The following NSMCE1 variants were observed in gnomAD, a reference collection of about 807,000 sequenced individuals.
NSMCE1 encodes the protein non-structural maintenance of chromosomes element 1 homolog.
In NSMCE1, 18 loss-of-function variants were observed where a neutral mutation model predicts 29.6. The observed-to-expected ratio is 0.61, with a 90% CI of 0.42 to 0.90. The LOEUF (loss-of-function observed/expected upper bound fraction) is 0.90. Among genes scored for constraint, NSMCE1 ranks in the 40% least tolerant of loss-of-function variants. The pLI, the probability that NSMCE1 is intolerant of heterozygous loss-of-function variation, is 0.00. For synonymous variants in NSMCE1, 124 were observed against 133.4 expected (o/e 0.93, Z 0.49); for missense variants, 314 against 343.6 (o/e 0.91, Z 0.68).
Position 27,235,243 on chromosome 16 carries a change from C to T in NSMCE1, c.193G>A (p.Glu65Lys). ...DFINNINSVLESLYIEIKRGV... is the reference protein window; with the variant it reads ...DFINNINSVLKSLYIEIKRGV... ...CTCTTTATCTCAATATACAAGGACT[C>T]CAAGACACTGTTAATGTTGTTGATG... The change falls in exon 3 of 8, where the codon GAG becomes AAG. Residue 65 changes from glutamate to lysine, a missense_variant. Coordinates refer to ENST00000361439, the MANE Select transcript of NSMCE1 (RefSeq NM_145080.4). The T allele has an allele frequency of 5.0e-6, 8 of 1,613,488 alleles. No homozygotes were observed. Among genetic ancestry groups the T allele is most frequent in the Admixed American group, 1.7e-5 (1 of 60,002 alleles).
At chr16:27,230,791 C>T (rs1052429074) in intron 5 of NSMCE1, 2 of 152,426 alleles carry the variant, frequency 1.3e-5, no homozygotes, top group African/African-American at 4.8e-5. Context: ...ATCCTCTGTC[C>T]ACCCTCCCTC....
At chr16:27,252,632 A>C (rs1378683486) in intron 2 of NSMCE1, among the ~76,000 whole-genome samples, 1 of 152,044 alleles carries the variant, frequency 6.6e-6, no homozygotes, top group Non-Finnish European at 1.5e-5. Flanking sequence ...AATAATTTAA[A>C]ACTTAGCCGG....
intron 2 of NSMCE1, among the ~76,000 whole-genome samples, chr16:27,246,650 C>T (rs1486857919): frequency 6.6e-6 from 1 of 152,050 alleles, no homozygotes; most frequent in Non-Finnish European, 1.5e-5. Flanking sequence ...CCACCAGGCC[C>T]GACTAATTTT....
At chr16:27,247,432 C>T (rs1305497915) in intron 2 of NSMCE1, among the ~76,000 whole-genome samples, 1 of 152,168 alleles carries the variant, frequency 6.6e-6, no homozygotes, top group East Asian at 1.9e-4. Context: ...AATTAAACTT[C>T]TTCCCTTTAT....
chr16:27,260,882 G>A lies in NSMCE1; in HGVS notation c.-11-3301C>T, dbSNP rs1031215371. 6.8e-5 allele frequency among the ~76,000 whole-genome samples: 7 copies of A among 103,278 alleles called. No homozygotes were observed. The East Asian group carries it at 1.4e-3, about 21-fold the overall frequency. 67.8% of individuals were successfully genotyped at this position (103,278 alleles called of 152,430 possible). ...TCAAAAAAAAAAAAAAAAAGGTTGC[G>A]GGGGCTGGTCGTGGTGGCTCACACC... is the stretch of plus-strand genomic sequence containing the variant. On this transcript the variant is annotated intron_variant, in intron 1 of 7. Transcript: ENST00000361439.
At chr16:27,241,752 A>G (rs2083897350) in intron 2 of NSMCE1, 1 of 389,844 alleles carries the variant, frequency 2.6e-6, no homozygotes, top group Non-Finnish European at 5.3e-6. Flanking sequence ...CGTCCTCTCC[A>G]TCGGTGCACC....
chr16:27,266,582 A>C (rs1027173209), intron 1 of NSMCE1: 1 of 151,988 alleles, frequency 6.6e-6, no homozygotes, highest in Non-Finnish European at 1.5e-5. Context: ...GCGTCACTGC[A>C]CTCTAGCCTG....
At chr16:27,245,761 C>A (rs939133246) in intron 2 of NSMCE1, among the ~76,000 whole-genome samples, 7 of 152,156 alleles carry the variant, frequency 4.6e-5, no homozygotes, top group African/African-American at 1.7e-4. Flanking sequence ...CAGTTATGAT[C>A]CCAGACTTTA....
rs1434203484 is a variant in NSMCE1, at chr16:27,225,802, G to C, written c.645C>G (p.Cys215Trp). Residue 215 changes from cysteine to tryptophan, a missense_variant, in exon 7 of 8, where the codon TGC becomes TGG. Physicochemically the swap from Cys to Trp is radical, Grantham distance 215. Coordinates refer to ENST00000361439, the MANE Select transcript of NSMCE1 (RefSeq NM_145080.4). ...ETCGIRMHLP[C>W]VAKYFQSNAE... ...CATTCGACTGGAAGTACTTGGCCACGCAGGGTAAGTGCATCCTGATCCCAC... is the reference window on the plus strand; with the variant it reads ...CATTCGACTGGAAGTACTTGGCCACCCAGGGTAAGTGCATCCTGATCCCAC... The C allele has an allele frequency of 6.2e-7, 1 of 1,614,082 alleles. No individual in the cohort carries two copies.
intron 2 of NSMCE1, among the ~76,000 whole-genome samples, chr16:27,248,137 T>C (rs1199150706): frequency 1.3e-5 from 2 of 152,112 alleles, no homozygotes; most frequent in African/African-American, 4.8e-5. Flanking sequence ...TTTGGGGCCA[T>C]TACAAATAAA....
chr16:27,259,288 C>T (rs181095944), intron 1 of NSMCE1, among the ~76,000 whole-genome samples: 1 of 152,232 alleles, frequency 6.6e-6, no homozygotes, highest in East Asian at 1.9e-4. Flanking sequence ...AATCATACCA[C>T]ACACCTGAGC....
intron 5 of NSMCE1, among the ~76,000 whole-genome samples, chr16:27,230,427 G>A (rs939678591): frequency 6.6e-6 from 1 of 152,146 alleles, no homozygotes; most frequent in South Asian, 2.1e-4. Flanking sequence ...GTGAGCACCC[G>A]CCCCGGTTCT....
intron 7 of NSMCE1, 40 bp downstream of exon 7, chr16:27,225,686 T>A: frequency 6.2e-7 from 1 of 1,611,774 alleles, no homozygotes; most frequent in Non-Finnish European, 8.5e-7. Context: ...CACGTCCTGC[T>A]GGCCCAGCCC....
At chr16:27,262,046 C>A (rs2084163502) in intron 1 of NSMCE1, among the ~76,000 whole-genome samples, 1 of 152,126 alleles carries the variant, frequency 6.6e-6, no homozygotes, top group Non-Finnish European at 1.5e-5. Context: ...AGTTAAGAGG[C>A]TAGCCTGGCC....
intron 2 of NSMCE1, among the ~76,000 whole-genome samples, chr16:27,254,464 C>T (rs1356568210): frequency 6.6e-6 from 1 of 152,210 alleles, no homozygotes; most frequent in Non-Finnish European, 1.5e-5. Flanking sequence ...CATCATGTGG[C>T]TCCTTGCAGT....
At chr16:27,266,526 A>G (rs1233575618) in intron 1 of NSMCE1, 2 of 152,140 alleles carry the variant, frequency 1.3e-5, no homozygotes, top group Non-Finnish European at 2.9e-5. Flanking sequence ...CTAAGGCAGG[A>G]GAATCGCTTG....
intron 2 of NSMCE1, among the ~76,000 whole-genome samples, chr16:27,239,536 T>C (rs2140995796): frequency 6.6e-6 from 1 of 152,362 alleles, no homozygotes; most frequent in African/African-American, 2.4e-5. Context: ...TAGGAGTTAA[T>C]TAACAACACC....
At chr16:27,250,333 A>G (rs1001436401) in intron 2 of NSMCE1, among the ~76,000 whole-genome samples, 1 of 152,212 alleles carries the variant, frequency 6.6e-6, no homozygotes, top group African/African-American at 2.4e-5. Flanking sequence ...ATTAGGGAAA[A>G]GTATTCAGTC....
chr16:27,251,185 T>TATAA (rs1268890763), intron 2 of NSMCE1, among the ~76,000 whole-genome samples: 1 of 52,834 alleles, frequency 1.9e-5, no homozygotes, highest in Non-Finnish European at 3.1e-5. Flanking sequence ...TATATATATA[T>TATAA]ATATAAATAT....
Sources: allele counts gnomAD v4.1 joint callset (sites outside exome capture counted in the v4.1 genomes callset), GRCh38; gene constraint gnomAD v4.1.1; transcripts MANE v1.5; gene names NCBI Gene and HGNC (gene_info 2026-07-23, HGNC 2026-07-21).